Variants in MMS22L observed in about 807,000 individuals in gnomAD.
MMS22L encodes MMS22 like, DNA repair protein.
A neutral mutation model predicts 159.1 loss-of-function variants in MMS22L; 74 were observed. That is an observed-to-expected ratio of 0.47 (90% CI 0.39 to 0.56). The LOEUF is 0.56. MMS22L is among the 20% of genes least tolerant of loss of function. The probability of loss-of-function intolerance (pLI) is 0.00; values close to 1 mark genes in which losing one functional copy is unlikely to be tolerated. For synonymous variants in MMS22L, 517 were observed against 506.9 expected (o/e 1.02, Z -0.27); for missense variants, 1,351 against 1,422.1 (o/e 0.95, Z 0.80).
chr6:97,173,887 G>A (rs1345920905), intron 18 of MMS22L, among the ~76,000 whole-genome samples: 1 of 151,948 alleles, frequency 6.6e-6, no homozygotes, highest in African/African-American at 2.4e-5. Flanking sequence ...ATTGAGGAAA[G>A]GTTAGAATAA....
rs535620427 is a variant in MMS22L, at chr6:97,274,636, C to T, written c.341-1574G>A. Among the ~76,000 whole-genome samples the T allele has an allele frequency of 4.6e-5, 7 of 152,078 alleles. No homozygotes were observed. In the East Asian group the frequency reaches 1.4e-3, roughly 29 times the overall value. On this transcript the variant is annotated intron_variant, in intron 4 of 24. Coordinates refer to ENST00000683635, the MANE Select transcript of MMS22L (RefSeq NM_001350599.2). ...ATGAGGAAGAGAACCCAAATACAGC[C>T]CAACTCACTCTTTGAGATGAGGAGA... is the stretch of plus-strand genomic sequence containing the variant.
intron 19 of MMS22L, among the ~76,000 whole-genome samples, chr6:97,170,817 G>A (rs551478757): frequency 1.3e-5 from 2 of 152,234 alleles, no homozygotes; most frequent in Admixed American, 6.5e-5. Flanking sequence ...GACCAGCTTT[G>A]GTAACATAGT....
At chr6:97,155,172 C>T (rs1801699780) in intron 22 of MMS22L, among the ~76,000 whole-genome samples, 1 of 152,094 alleles carries the variant, frequency 6.6e-6, no homozygotes, top group African/African-American at 2.4e-5. Flanking sequence ...AATCCTTTCA[C>T]ATGGTATTAT....
chr6:97,154,471 T>G (rs769276714), intron 22 of MMS22L, among the ~76,000 whole-genome samples: 2 of 152,160 alleles, frequency 1.3e-5, no homozygotes, highest in African/African-American at 4.8e-5. Flanking sequence ...GAAGTCCAAT[T>G]TATCTCTTCT....
intron 16 of MMS22L, 87 bp downstream of exon 16, chr6:97,181,817 C>T: frequency 7.1e-7 from 1 of 1,418,152 alleles, no homozygotes; most frequent in East Asian, 2.3e-5. Flanking sequence ...AGAGATCAGT[C>T]CTCATTTGTG....
In MMS22L at chr6:97,162,080, T is replaced by C; in HGVS notation, c.3307A>G (p.Thr1103Ala). The change falls in exon 22 of 25, where the codon ACT (threonine) becomes GCT (alanine). Residue 1103 changes from threonine to alanine, a missense_variant. Transcript: ENST00000683635. ...TCAACTTCATAAATGTCTGTGTTAGTTTCCTTGAAGAGTTGGAGGATGAAG... is the reference window on the plus strand; with the variant it reads ...TCAACTTCATAAATGTCTGTGTTAGCTTCCTTGAAGAGTTGGAGGATGAAG... ...LAFILQLFKETNTDIYEVELL... is the reference protein window; with the variant it reads ...LAFILQLFKEANTDIYEVELL... 2 of 1,612,494 alleles carry C rather than the reference T, an allele frequency of 1.2e-6. No homozygotes were observed. Among genetic ancestry groups the C allele is most frequent in the South Asian group, 1.1e-5 (1 of 90,976 alleles).
At chr6:97,188,116 G>C (rs1805444253) in intron 14 of MMS22L, among the ~76,000 whole-genome samples, 1 of 152,126 alleles carries the variant, frequency 6.6e-6, no homozygotes. Flanking sequence ...ATCTTAGAGT[G>C]AGATAAATAA....
rs200623625 is a variant in MMS22L, at chr6:97,187,358, T to TA, written c.2040-669dup. On this transcript the variant is annotated intron_variant, in intron 14 of 24. Coordinates refer to ENST00000683635, the MANE Select transcript of MMS22L (RefSeq NM_001350599.2). ...ATTCAATCGAAAATTTAGATATCTC[T>TA]AGACCTTAATAGAAACGTGCAGGAA... Among the ~76,000 whole-genome samples, 12 of 152,190 alleles carry TA rather than the reference T, an allele frequency of 7.9e-5. No homozygotes were observed. In the East Asian group the frequency reaches 1.5e-3, roughly 20 times the overall value.
rs1426575490 is a variant in MMS22L, at chr6:97,178,442, C to T, written c.2679+1G>A. ...CAATTATACTAATAAATGACAAATA[C>T]CTCAAAGAATCGAACAAGTGCTTTT... On this transcript the variant is annotated splice_donor_variant, in intron 18 of 24. Transcript: ENST00000683635. LOFTEE classifies it high-confidence loss of function. 6.5e-7 allele frequency: 1 copy of T among 1,537,614 alleles called. No homozygotes were observed. The highest frequency in any genetic ancestry group is 8.7e-7 in the Non-Finnish European group (1 of 1,144,742).
intron 22 of MMS22L, among the ~76,000 whole-genome samples, chr6:97,159,968 T>TTC (rs71012583): frequency 1.4e-5 from 2 of 144,346 alleles, no homozygotes; most frequent in Non-Finnish European, 3.0e-5. Context: ...TTTTTTTTTT[T>TTC]CATTTATTCC....
chr6:97,185,338 T>C (rs1805113001), intron 15 of MMS22L, among the ~76,000 whole-genome samples: 1 of 152,168 alleles, frequency 6.6e-6, no homozygotes, highest in South Asian at 2.1e-4. Context: ...TTTTTTTAAA[T>C]GAAGAAAATC....
chr6:97,165,302 G>A lies in MMS22L; in HGVS notation c.3165C>T (p.Asn1055=). ...GQHPVLLALR[N]TATIPPISSL... is the part of the protein sequence containing the mutation. ...ATGATATTGGTGGAATAGTGGCTGT[G>A]TTTCTCAATGCCAGCAAAACAGGAT... Residue 1055 remains asparagine (N), a synonymous_variant, in exon 21 of 25, where the codon AAC becomes AAT. Coordinates refer to ENST00000683635, the MANE Select transcript of MMS22L (RefSeq NM_001350599.2). The A allele has an allele frequency of 6.2e-7, 1 of 1,613,342 alleles. No homozygotes were observed. Among genetic ancestry groups the A allele is most frequent in the Non-Finnish European group, 8.5e-7 (1 of 1,179,576 alleles).
intron 22 of MMS22L, among the ~76,000 whole-genome samples, chr6:97,159,948 G>GTTTTTTTTTTTTTTTTTTTTTTCTTTT (rs368455553): frequency 3.1e-5 from 3 of 97,180 alleles, no homozygotes; most frequent in African/African-American, 1.2e-4. Flanking sequence ...TATCATTTCT[G>GTTTTTTTTTTTTTTTTTTTTTTCTTTT]TTTTTTTTTT....
At chr6:97,266,852 G>C (rs773424604) in intron 8 of MMS22L, 1 of 152,206 alleles carries the variant, frequency 6.6e-6, no homozygotes, top group Non-Finnish European at 1.5e-5. Flanking sequence ...GATTAGGAGG[G>C]AGGCGGGGTA....
chr6:97,258,321 G>A (rs1245389059), intron 9 of MMS22L, among the ~76,000 whole-genome samples: 1 of 152,144 alleles, frequency 6.6e-6, no homozygotes, highest in Non-Finnish European at 1.5e-5. Context: ...TCTGGTACAA[G>A]ATGTTTCAGG....
rs1263769917 is a variant in MMS22L, at chr6:97,142,954, C to G, written c.*3852G>C. 1 of 152,412 alleles carries G rather than the reference C, an allele frequency of 6.6e-6. No individual in the cohort carries two copies. The highest frequency in any genetic ancestry group is 2.4e-5 in the African/African-American group (1 of 41,400). 9.4% of individuals were successfully genotyped at this position (152,412 alleles called of 1,614,324 possible). ...CAAATATGCTTAAGAAGAAAACATA[C>G]GAAGGATAGGTAAAGATATACAAGT... On this transcript the variant is annotated 3_prime_UTR_variant, in exon 25 of 25. Transcript: ENST00000683635.
At position 97,162,950 on chromosome 6, in the gene MMS22L, C is replaced by CAT. The variant is rs142908313; in HGVS notation, c.3222-787_3222-786dup. Among the ~76,000 whole-genome samples, 740 of 150,716 alleles carry CAT rather than the reference C, an allele frequency of 4.9e-3. 8 individuals carry two copies. The highest frequency in any genetic ancestry group is 5.3e-3 in the Non-Finnish European group (360 of 67,538). On this transcript the variant is annotated intron_variant, in intron 21 of 24. Coordinates refer to ENST00000683635, the MANE Select transcript of MMS22L (RefSeq NM_001350599.2). The stretch of plus-strand genomic sequence containing the variant: ...TACAGCTAAATATAAACTAGACATC[C>CAT]ATATATATATATATTTGCAAAGTAA...
At chr6:97,178,116 G>C (rs1039065055) in intron 18 of MMS22L, among the ~76,000 whole-genome samples, 2 of 152,140 alleles carry the variant, frequency 1.3e-5, no homozygotes, top group African/African-American at 4.8e-5. Flanking sequence ...AGGATATTCA[G>C]TTCCCAAGCA....
At chr6:97,157,161 C>T (rs569076421) in intron 22 of MMS22L, among the ~76,000 whole-genome samples, 149 of 152,194 alleles carry the variant, frequency 9.8e-4, no homozygotes, top group African/African-American at 3.5e-3. Flanking sequence ...TTTCTGCACA[C>T]TGATTTTGTA....
Sources: gnomAD v4.1 joint callset for allele counts (sites outside exome capture counted in the v4.1 genomes callset) on GRCh38, gnomAD v4.1.1 for gene constraint, MANE v1.5 for transcripts, NCBI Gene and HGNC (gene_info 2026-07-23, HGNC 2026-07-21) for gene names.